ASAP1: variants seen among roughly 807,000 people sequenced by gnomAD.
ASAP1 encodes arf-GAP with SH3 domain, ANK repeat and PH domain-containing protein 1.
ASAP1 carries 43 observed loss-of-function variants against 145.2 expected under a neutral mutation model. The observed-to-expected ratio is 0.30, with a 90% CI of 0.23 to 0.38. The LOEUF (loss-of-function observed/expected upper bound fraction) is 0.38. Among genes scored for constraint, ASAP1 ranks in the 10% least tolerant of loss-of-function variants. ASAP1 has a pLI of 1.00. For missense variants in ASAP1, 1,018 were observed against 1,355.3 expected, an observed-to-expected ratio of 0.75 and a Z score of 3.91; for synonymous variants, 546 against 515.5, an observed-to-expected ratio of 1.06 and a Z score of -0.80.
chr8:130,096,793 G>A (rs2097518806), intron 24 of ASAP1, among the ~76,000 whole-genome samples: 1 of 152,018 alleles, frequency 6.6e-6, no homozygotes, highest in Non-Finnish European at 1.5e-5. Flanking sequence ...GGGTGAGAAG[G>A]CAAGCCACAT....
intron 10 of ASAP1, among the ~76,000 whole-genome samples, chr8:130,168,620 A>G (rs185745483): frequency 2.2e-4 from 34 of 152,236 alleles, no homozygotes; most frequent in Non-Finnish European, 2.4e-4. Context: ...AAACAAACAA[A>G]AACCCCAAAA....
intron 18 of ASAP1, among the ~76,000 whole-genome samples, chr8:130,123,147 T>G (rs1374342598): frequency 6.6e-6 from 1 of 152,252 alleles, no homozygotes; most frequent in Non-Finnish European, 1.5e-5. Flanking sequence ...TGGATACTTG[T>G]TTTGTTCCTA....
At chr8:130,366,886 C>CTTTTTTTTTTTTTTTTTTTTTTTTTTT (rs905755447) in intron 2 of ASAP1, among the ~76,000 whole-genome samples, 6 of 99,206 alleles carry the variant, frequency 6.0e-5, no homozygotes, top group African/African-American at 1.2e-4. Context: ...TGCTAGATTC[C>CTTTTTTTTTTTTTTTTTTTTTTTTTTT]TTTTTTTTTT....
In ASAP1 at chr8:130,312,543, T is replaced by C. The variant is rs1282696503; in HGVS notation, c.186+45474A>G. Among the ~76,000 whole-genome samples the C allele has an allele frequency of 2.0e-5, 3 of 152,224 alleles. No individual in the cohort carries two copies. In the East Asian group the frequency reaches 5.8e-4, roughly 29 times the overall value. Reference sequence around the variant, plus strand: ...GCCTTCTCTCCCTTTTGATAGTGAATGTCCTCTGCATTAGGGACATTTCCA... The same window carrying C: ...GCCTTCTCTCCCTTTTGATAGTGAACGTCCTCTGCATTAGGGACATTTCCA... On this transcript the variant is annotated intron_variant, in intron 3 of 29. Transcript: ENST00000518721.
At chr8:130,428,436 C>CCACCATCATCATCACCAT in intron 1 of ASAP1, among the ~76,000 whole-genome samples, 1 of 3,500 alleles carries the variant, frequency 2.9e-4, no homozygotes, top group Non-Finnish European at 6.9e-4. Context: ...ATCATCATCA[C>CCACCATCATCATCACCAT]CACCACCACC....
chr8:130,194,129 A>G (rs1438685011), intron 5 of ASAP1, among the ~76,000 whole-genome samples: 2 of 152,238 alleles, frequency 1.3e-5, no homozygotes, highest in Non-Finnish European at 2.9e-5. Context: ...AAAACATGTT[A>G]TTATGAATTC....
chr8:130,217,458 T>C (rs908425463), intron 4 of ASAP1, among the ~76,000 whole-genome samples: 6 of 152,152 alleles, frequency 3.9e-5, no homozygotes, highest in African/African-American at 1.4e-4. Flanking sequence ...TGTGTATATA[T>C]GTATATATAC....
intron 4 of ASAP1, among the ~76,000 whole-genome samples, chr8:130,220,610 G>A (rs1817234108): frequency 6.6e-6 from 1 of 152,170 alleles, no homozygotes; most frequent in African/African-American, 2.4e-5. Flanking sequence ...GCTGAGGTGG[G>A]CAGATGGCTT....
chr8:130,124,043 G>C lies in ASAP1; in HGVS notation c.1577C>G (p.Pro526Arg). The C allele has an allele frequency of 1.2e-6, 2 of 1,609,240 alleles. No individual in the cohort carries two copies. Among genetic ancestry groups the C allele is most frequent in the Non-Finnish European group, 1.7e-6 (2 of 1,178,692 alleles). Residue 526 changes from proline (P) to arginine (R), a missense_variant, in exon 18 of 30, where the codon CCC becomes CGC. By Grantham distance (103) the Pro-to-Arg change is moderately radical. Coordinates refer to ENST00000518721, the MANE Select transcript of ASAP1 (RefSeq NM_018482.4). ...NDIMEANLPS[P>R]SPKPTPSSDM... ...ACTTGAAGGGGTGGGTTTTGGTGAG[G>C]GGCTGGGTAAATTTGCTTCCATAAT...
In ASAP1 at chr8:130,352,213, T is replaced by G. The variant is rs895067015; in HGVS notation, c.186+5804A>C. Among the ~76,000 whole-genome samples, 77 of 34,742 alleles carry G rather than the reference T, an allele frequency of 2.2e-3. No individual in the cohort carries two copies. The East Asian group carries it at 0.027, about 12-fold the overall frequency. 22.8% of individuals were successfully genotyped at this position (34,742 alleles called of 152,430 possible). ...ATTTTAGCTAAATCCTTCCTAAGGG[T>G]TTTTTTTTTTTTTTTTTAAGACTAC... is the stretch of plus-strand genomic sequence containing the variant. On this transcript the variant is annotated intron_variant, in intron 3 of 29. Transcript: ENST00000518721.
In ASAP1 at chr8:130,056,662, C is replaced by T. The variant is rs1045762687; in HGVS notation, c.3315+1292G>A. 1.3e-5 allele frequency among the ~76,000 whole-genome samples: 2 copies of T among 152,170 alleles called. 1 individual carries two copies. Among genetic ancestry groups the T allele is most frequent in the South Asian group, 4.1e-4 (2 of 4,830 alleles). ...AAGAAAAGTCAAAGGTGAATGTGTGCCCATGCCTATGTGTGTGTGCACACA... is the reference window on the plus strand; with the variant it reads ...AAGAAAAGTCAAAGGTGAATGTGTGTCCATGCCTATGTGTGTGTGCACACA... On this transcript the variant is annotated intron_variant, in intron 29 of 29. Transcript: ENST00000518721.
At chr8:130,385,493 T>C (rs1247433303) in intron 2 of ASAP1, among the ~76,000 whole-genome samples, 3 of 152,194 alleles carry the variant, frequency 2.0e-5, no homozygotes, top group Non-Finnish European at 4.4e-5. Context: ...TTCCCAATTT[T>C]GTGGCTCAGC....
At chr8:130,149,767 T>C (rs2097641762) in intron 13 of ASAP1, among the ~76,000 whole-genome samples, 1 of 152,188 alleles carries the variant, frequency 6.6e-6, no homozygotes, top group African/African-American at 2.4e-5. Flanking sequence ...CAATGGTGTT[T>C]GCAAAGTCAG....
At chr8:130,403,181 A>G (rs1828873215) in intron 1 of ASAP1, among the ~76,000 whole-genome samples, 1 of 152,202 alleles carries the variant, frequency 6.6e-6, no homozygotes, top group African/African-American at 2.4e-5. Context: ...CTGTAAAACC[A>G]CTACCATACC....
chr8:130,346,445 T>G (rs1389200776), intron 3 of ASAP1, among the ~76,000 whole-genome samples: 1 of 152,256 alleles, frequency 6.6e-6, no homozygotes, highest in Non-Finnish European at 1.5e-5. Context: ...TGCATGCATA[T>G]CTGCATTTTT....
chr8:130,058,182 T>C (rs2135022110), intron 28 of ASAP1, 106 bp from the exon 29 acceptor site: 6 of 1,252,056 alleles, frequency 4.8e-6, no homozygotes, highest in Non-Finnish European at 4.6e-6. Context: ...TTAACCTCGC[T>C]GAGCCTTGAT....
chr8:130,209,926 A>G (rs1309320230), intron 5 of ASAP1, among the ~76,000 whole-genome samples: 1 of 152,220 alleles, frequency 6.6e-6, no homozygotes, highest in Non-Finnish European at 1.5e-5. Context: ...ATTGCTAATG[A>G]TAAAAACAGA....
chr8:130,132,875 T>C (rs1412543197), intron 15 of ASAP1, among the ~76,000 whole-genome samples: 1 of 152,204 alleles, frequency 6.6e-6, no homozygotes, highest in East Asian at 1.9e-4. Context: ...TTTCTACCCA[T>C]GTTCTCTTCT....
intron 1 of ASAP1, among the ~76,000 whole-genome samples, chr8:130,442,842 G>A (rs1830532577): frequency 6.6e-6 from 1 of 152,102 alleles, no homozygotes; most frequent in African/African-American, 2.4e-5. Context: ...GTCGCTCTCA[G>A]AAAACGCAGC....
Sources: gnomAD v4.1 joint callset for allele counts (sites outside exome capture counted in the v4.1 genomes callset) on GRCh38, gnomAD v4.1.1 for gene constraint, MANE v1.5 for transcripts, NCBI Gene and HGNC (gene_info 2026-07-23, HGNC 2026-07-21) for gene names.